THADA: variants seen among roughly 807,000 people sequenced by gnomAD.
THADA encodes tRNA (32-2'-O)-methyltransferase regulator THADA.
THADA carries 213 observed loss-of-function variants against 219.8 expected under a neutral mutation model. That is an observed-to-expected ratio of 0.97 (90% CI 0.87 to 1.09). The LOEUF (loss-of-function observed/expected upper bound fraction) is 1.09, where lower values mean the gene tolerates loss of function less well. Among genes scored for constraint, THADA ranks in the 50% least tolerant of loss-of-function variants. THADA has a pLI of 0.00. For missense variants in THADA, 2,956 were observed against 2,311.3 expected (o/e 1.28, Z -5.72); for synonymous variants, 1,018 against 828.9 (o/e 1.23, Z -3.92).
intron 36 of THADA, among the ~76,000 whole-genome samples, chr2:43,262,158 G>A (rs1423302454): frequency 6.6e-6 from 1 of 152,224 alleles, no homozygotes; most frequent in Non-Finnish European, 1.5e-5. Flanking sequence ...TAGGTAATGT[G>A]CTTAGCCCAA....
chr2:43,418,278 T>A (rs1232817601), intron 28 of THADA, among the ~76,000 whole-genome samples: 1 of 152,186 alleles, frequency 6.6e-6, no homozygotes, highest in Non-Finnish European at 1.5e-5. Context: ...ACTTGCTACC[T>A]CAAACTGATG....
intron 24 of THADA, among the ~76,000 whole-genome samples, chr2:43,502,773 G>T (rs1044729664): frequency 1.3e-5 from 2 of 151,574 alleles, no homozygotes; most frequent in African/African-American, 2.4e-5. Flanking sequence ...AGTAAAAAGA[G>T]AAAACATAGT....
intron 21 of THADA, among the ~76,000 whole-genome samples, chr2:43,535,128 C>T (rs942728111): frequency 5.4e-5 from 6 of 111,020 alleles, no homozygotes; most frequent in Non-Finnish European, 9.5e-5. Flanking sequence ...ATTTGTTCGT[C>T]ATTTCTGTTT....
At chr2:43,463,528 T>C (rs962860018) in intron 26 of THADA, among the ~76,000 whole-genome samples, 2 of 152,228 alleles carry the variant, frequency 1.3e-5, no homozygotes, top group Non-Finnish European at 2.9e-5. Flanking sequence ...AAATCCAAGA[T>C]AGAATGGCTT....
chr2:43,469,717 T>A (rs147892178), intron 26 of THADA, among the ~76,000 whole-genome samples: 1 of 152,310 alleles, frequency 6.6e-6, no homozygotes, highest in Non-Finnish European at 1.5e-5. Flanking sequence ...GAATATTCCC[T>A]GCATCACTTT....
At chr2:43,471,669 A>T (rs1215347293) in intron 26 of THADA, among the ~76,000 whole-genome samples, 1 of 152,220 alleles carries the variant, frequency 6.6e-6, no homozygotes, top group Admixed American at 6.5e-5. Flanking sequence ...TACATCATAG[A>T]CAGAACATGT....
At chr2:43,319,761 A>G (rs748261270) in intron 31 of THADA, among the ~76,000 whole-genome samples, 4 of 152,138 alleles carry the variant, frequency 2.6e-5, no homozygotes, top group Non-Finnish European at 5.9e-5. Context: ...CAGACTCATT[A>G]CCCTGCATTC....
chr2:43,336,350 T>C (rs554914567), intron 30 of THADA, among the ~76,000 whole-genome samples: 38 of 152,024 alleles, frequency 2.5e-4, no homozygotes, highest in African/African-American at 8.7e-4. Context: ...CGGCTCACCG[T>C]AAACTCCGCC....
intron 29 of THADA, among the ~76,000 whole-genome samples, chr2:43,394,816 ATCTG>A (rs1403933725): frequency 6.6e-5 from 10 of 152,338 alleles, no homozygotes; most frequent in African/African-American, 2.2e-4. Context: ...AAAGGTAGGA[ATCTG>A]TCTGACAAAC....
At chr2:43,286,637 A>T (rs1572915924) in intron 35 of THADA, among the ~76,000 whole-genome samples, 1 of 152,100 alleles carries the variant, frequency 6.6e-6, no homozygotes, top group African/African-American at 2.4e-5. Context: ...AGGCAGGAGG[A>T]TTGCTTGAAA....
chr2:43,560,531 CATTA>C (rs1697936524), intron 15 of THADA, 146 bp from the exon 16 acceptor site: 1 of 477,074 alleles, frequency 2.1e-6, no homozygotes, highest in Non-Finnish European at 3.5e-6. Flanking sequence ...GTAACTTTTC[CATTA>C]ATTTATTTCT....
rs79189602 is a variant in THADA at position 43,495,679 on chromosome 2, C to T, written c.3744+3154G>A. Among the ~76,000 whole-genome samples, 215 of 152,150 alleles carry T rather than the reference C, an allele frequency of 1.4e-3. 3 individuals carry two copies. The East Asian group carries it at 0.038, about 27-fold the overall frequency. ...GTTTGAATTTTACTAAAAAGTTGGACGAATCACCAGGCTTCACTCTCAGAA... is the reference window on the plus strand; with the variant it reads ...GTTTGAATTTTACTAAAAAGTTGGATGAATCACCAGGCTTCACTCTCAGAA... On this transcript the variant is annotated intron_variant, in intron 25 of 37. Transcript: ENST00000405975.
intron 21 of THADA, among the ~76,000 whole-genome samples, chr2:43,535,168 C>CTTTTTTTTTTTTTT (rs549879408): frequency 1.9e-5 from 1 of 52,540 alleles, no homozygotes; most frequent in Non-Finnish European, 3.4e-5. Context: ...ATCATTTGTC[C>CTTTTTTTTTTTTTT]TTTTTTTTTT....
At position 43,231,030 on chromosome 2, in the gene THADA, T is replaced by C. The variant is rs768337527; in HGVS notation, c.5780A>G (p.Glu1927Gly). 1 of 1,613,948 alleles carries C rather than the reference T, an allele frequency of 6.2e-7. No homozygotes were observed. The change falls in exon 38 of 38, where the codon GAA becomes GGA. Residue 1927 changes from glutamate (E) to glycine (G), a missense_variant. Glu to Gly is a moderately conservative substitution (Grantham distance 98). Transcript: ENST00000405975. ...CCAAACACTGAGAACTAGGGTGTCT[T>C]CCCCTTCCTTTCCTTCCAAAAAGGC... ...LLAFLEGKEG[E>G]DTLVLSVWDS...
Position 43,292,992 on chromosome 2 carries a change from G to C in THADA, c.4660C>G (p.Pro1554Ala). 3 of 1,613,968 alleles carry C rather than the reference G, an allele frequency of 1.9e-6. No individual in the cohort carries two copies. The highest frequency in any genetic ancestry group is 2.5e-6 in the Non-Finnish European group (3 of 1,179,888). The change falls in exon 32 of 38, where the codon CCT (proline) becomes GCT (alanine). Residue 1554 changes from proline to alanine, a missense_variant. Transcript: ENST00000405975. The part of the protein sequence containing the change: ...SFSQLLESAF[P>A]EVRSLTLEAL... ...TCCAGTGTTAGTGAGCGCACTTCAG[G>C]GAAGGCAGATTCTAACAGCTGAGAG...
chr2:43,267,844 C>G (rs1470802038), intron 36 of THADA, among the ~76,000 whole-genome samples: 1 of 152,240 alleles, frequency 6.6e-6, no homozygotes, highest in East Asian at 1.9e-4. Flanking sequence ...CTATTAACTT[C>G]TCTTACAGAT....
chr2:43,317,062 C>T (rs1678166339), intron 31 of THADA, among the ~76,000 whole-genome samples: 1 of 152,232 alleles, frequency 6.6e-6, no homozygotes, highest in African/African-American at 2.4e-5. Context: ...TCCCCTTTTA[C>T]AATGGAAACA....
chr2:43,559,352 G>A (rs1697783145), intron 16 of THADA, among the ~76,000 whole-genome samples: 1 of 152,156 alleles, frequency 6.6e-6, no homozygotes, highest in Non-Finnish European at 1.5e-5. Flanking sequence ...TAGCCATCTA[G>A]AAGCCACAGA....
At chr2:43,252,340 A>C (rs576869341) in intron 36 of THADA, among the ~76,000 whole-genome samples, 13 of 152,230 alleles carry the variant, frequency 8.5e-5, no homozygotes, top group Non-Finnish European at 4.4e-5. Flanking sequence ...TTTTATCATC[A>C]CTTTGAAATG....
Sources: gnomAD v4.1 joint callset for allele counts (sites outside exome capture counted in the v4.1 genomes callset) on GRCh38, gnomAD v4.1.1 for gene constraint, MANE v1.5 for transcripts, NCBI Gene and HGNC (gene_info 2026-07-23, HGNC 2026-07-21) for gene names.